RFTN2: variants seen among roughly 807,000 people sequenced by gnomAD.
The protein encoded by RFTN2 is raftlin-2.
In RFTN2, 34 loss-of-function variants were observed where a neutral mutation model predicts 52.7. The ratio of observed to expected loss-of-function variants is 0.64; its 90% confidence interval spans 0.49 to 0.86. RFTN2 has a LOEUF of 0.86. Ranked by LOEUF, RFTN2 falls within the 40% of genes least tolerant of loss-of-function variation. The probability of loss-of-function intolerance (pLI) is 0.00; values close to 1 mark genes in which losing one functional copy is unlikely to be tolerated. For synonymous variants in RFTN2, 203 were observed against 217.7 expected, an observed-to-expected ratio of 0.93 and a Z score of 0.59; for missense variants, 536 against 600.1, an observed-to-expected ratio of 0.89 and a Z score of 1.12.
At chr2:197,576,669 C>T (rs1280921450) in intron 8 of RFTN2, among the ~76,000 whole-genome samples, 1 of 152,006 alleles carries the variant, frequency 6.6e-6, no homozygotes, top group East Asian at 1.9e-4. Context: ...AGCAAATATA[C>T]AAAGCAAACA....
chr2:197,577,814 G>C (rs2087443448), intron 8 of RFTN2, among the ~76,000 whole-genome samples: 1 of 152,146 alleles, frequency 6.6e-6, no homozygotes, highest in Non-Finnish European at 1.5e-5. Context: ...TACCTCCTGG[G>C]CTCAAGCAAT....
intron 7 of RFTN2, among the ~76,000 whole-genome samples, chr2:197,599,466 A>C (rs1381879065): frequency 1.3e-5 from 2 of 152,164 alleles, no homozygotes; most frequent in African/African-American, 4.8e-5. Context: ...CCAAATTATG[A>C]AAGAGTATCT....
chr2:197,640,206 C>T (rs1039917121), intron 3 of RFTN2, among the ~76,000 whole-genome samples: 2 of 152,190 alleles, frequency 1.3e-5, no homozygotes, highest in African/African-American at 4.8e-5. Flanking sequence ...GTGCCCTGCC[C>T]CCAGAGGTGG....
chr2:197,576,269 G>C (rs1277073641), intron 8 of RFTN2, among the ~76,000 whole-genome samples: 1 of 152,104 alleles, frequency 6.6e-6, no homozygotes. Context: ...GCCTCCCAAA[G>C]TGCTGGGATT....
chr2:197,662,555 CT>C (rs2088992153), intron 1 of RFTN2, among the ~76,000 whole-genome samples: 1 of 151,646 alleles, frequency 6.6e-6, no homozygotes, highest in Non-Finnish European at 1.5e-5. Context: ...CAGCTTTGTT[CT>C]TTTTTTCCTA....
intron 1 of RFTN2, among the ~76,000 whole-genome samples, chr2:197,661,345 C>A (rs930614142): frequency 1.3e-5 from 2 of 151,992 alleles, no homozygotes; most frequent in Admixed American, 6.6e-5. Flanking sequence ...ATCCTTCCAC[C>A]TCAGCTTCCA....
Position 197,631,115 on chromosome 2 carries a change from G to A in RFTN2, c.824C>T (p.Ser275Leu). 6.2e-7 allele frequency: 1 copy of A among 1,612,962 alleles called. No homozygotes were observed. The highest frequency in any genetic ancestry group is 8.5e-7 in the Non-Finnish European group (1 of 1,179,082). ...ATCAGCATCAAGTGTACTAATGACT[G>A]ATCCTTTTCTTGTTACTTTCATTGA... Reference protein sequence around the residue: ...ILSMKVTRKGSVISTLDADWL... With the variant: ...ILSMKVTRKGLVISTLDADWL... Residue 275 changes from serine to leucine, a missense_variant, in exon 5 of 9, where the codon TCA becomes TTA. Ser to Leu is a moderately radical substitution (Grantham distance 145). Transcript: ENST00000295049.
chr2:197,649,909 T>G (rs2088801760), intron 1 of RFTN2, among the ~76,000 whole-genome samples: 1 of 152,216 alleles, frequency 6.6e-6, no homozygotes, highest in Non-Finnish European at 1.5e-5. Context: ...TACCAGATAC[T>G]CAGCAGTTAG....
intron 1 of RFTN2, among the ~76,000 whole-genome samples, chr2:197,668,985 A>G (rs1477822453): frequency 6.6e-6 from 1 of 152,154 alleles, no homozygotes; most frequent in African/African-American, 2.4e-5. Context: ...GCTGATCCCA[A>G]CTGAACAGGC....
chr2:197,582,252 T>G (rs186781420), intron 8 of RFTN2, among the ~76,000 whole-genome samples: 1 of 152,390 alleles, frequency 6.6e-6, no homozygotes, highest in African/African-American at 2.4e-5. Flanking sequence ...ACACATATAC[T>G]TTCTGCTCCG....
intron 2 of RFTN2, among the ~76,000 whole-genome samples, chr2:197,645,019 T>C (rs1307233361): frequency 6.6e-5 from 10 of 152,186 alleles, no homozygotes. Context: ...CCTTCTCTGC[T>C]TAGCCCTCTC....
At chr2:197,613,603 G>A (rs554733269) in intron 7 of RFTN2, among the ~76,000 whole-genome samples, 3 of 152,326 alleles carry the variant, frequency 2.0e-5, no homozygotes, top group South Asian at 4.1e-4. Flanking sequence ...ATCGTTGTGT[G>A]TACTGAAGCA....
chr2:197,577,748 A>C (rs1214441892), intron 8 of RFTN2, among the ~76,000 whole-genome samples: 1 of 152,104 alleles, frequency 6.6e-6, no homozygotes, highest in Non-Finnish European at 1.5e-5. Context: ...ATCTCCACTC[A>C]CTGCACTGAC....
chr2:197,638,166 G>A (rs1189453669), intron 3 of RFTN2, among the ~76,000 whole-genome samples: 1 of 136,518 alleles, frequency 7.3e-6, no homozygotes, highest in African/African-American at 2.6e-5. Context: ...CAACTATGTG[G>A]TCAATTTTGG....
In RFTN2 at chr2:197,569,105, G is replaced by C. The variant is rs949598891; in HGVS notation, c.*2903C>G. 6.6e-6 allele frequency: 1 copy of C among 152,288 alleles called. No homozygotes were observed. Among genetic ancestry groups the C allele is most frequent in the Non-Finnish European group, 1.5e-5 (1 of 68,026 alleles). The allele number at this position is 152,288 out of a possible 1,614,324, so 9.4% of individuals were successfully genotyped here. A position where few individuals can be genotyped will look rare whatever the true frequency, so the allele number is the denominator to read the frequency against. On this transcript the variant is annotated 3_prime_UTR_variant, in exon 9 of 9. Transcript: ENST00000295049. The stretch of plus-strand genomic sequence containing the variant: ...TAAATGTGTCCATAAAAGATAACAA[G>C]GTGGTATACAATCCAAAGGGGATGG...
At chr2:197,576,989 A>G (rs765271642) in intron 8 of RFTN2, among the ~76,000 whole-genome samples, 2 of 152,204 alleles carry the variant, frequency 1.3e-5, no homozygotes, top group African/African-American at 2.4e-5. Context: ...ACTGAGATAA[A>G]TGGATATCTG....
At chr2:197,651,613 T>G (rs2088829104) in intron 1 of RFTN2, among the ~76,000 whole-genome samples, 1 of 151,914 alleles carries the variant, frequency 6.6e-6, no homozygotes, top group Non-Finnish European at 1.5e-5. Context: ...TGAAACTCCA[T>G]CTCAAAAAAA....
At chr2:197,604,737 A>T (rs1369701744) in intron 7 of RFTN2, among the ~76,000 whole-genome samples, 1 of 150,832 alleles carries the variant, frequency 6.6e-6, no homozygotes, top group Non-Finnish European at 1.5e-5. Flanking sequence ...TTTTATGCAC[A>T]TTCTATTTAT....
intron 5 of RFTN2, among the ~76,000 whole-genome samples, chr2:197,628,875 A>G (rs1289809064): frequency 6.6e-6 from 1 of 152,194 alleles, no homozygotes; most frequent in African/African-American, 2.4e-5. Context: ...AGCTCAACTA[A>G]CTTCCGAAGA....
Sources: gnomAD v4.1 joint callset for allele counts (sites outside exome capture counted in the v4.1 genomes callset) on GRCh38, gnomAD v4.1.1 for gene constraint, MANE v1.5 for transcripts, NCBI Gene and HGNC (gene_info 2026-07-23, HGNC 2026-07-21) for gene names.